Variants in DPP6 observed in about 807,000 individuals in gnomAD.
DPP6 encodes dipeptidyl peptidase like 6.
DPP6 carries 69 observed loss-of-function variants against 122.6 expected under a neutral mutation model. The observed-to-expected ratio is 0.56, with a 90% confidence interval of 0.46 to 0.69. The LOEUF (loss-of-function observed/expected upper bound fraction) is 0.69. DPP6 is among the 30% of genes least tolerant of loss of function. DPP6 has a pLI of 0.00. For synonymous variants in DPP6, 418 were observed against 433.1 expected (o/e 0.97, Z 0.43); for missense variants, 928 against 1,116.9 (o/e 0.83, Z 2.41).
chr7:154,289,336 A>C (rs530620667), intron 1 of DPP6, among the ~76,000 whole-genome samples: 2 of 152,284 alleles, frequency 1.3e-5, no homozygotes, highest in Non-Finnish European at 2.9e-5. Context: ...GGGATGCGTA[A>C]CACAGCAGGC....
At chr7:154,551,834 T>C (rs1203813046) in intron 4 of DPP6, among the ~76,000 whole-genome samples, 1 of 151,826 alleles carries the variant, frequency 6.6e-6, no homozygotes, top group Non-Finnish European at 1.5e-5. Flanking sequence ...CAGTTGGAGG[T>C]GAAAGGGACA....
At chr7:154,673,506 G>A (rs1159476518) in intron 7 of DPP6, among the ~76,000 whole-genome samples, 1 of 152,170 alleles carries the variant, frequency 6.6e-6, no homozygotes, top group Non-Finnish European at 1.5e-5. Context: ...CAGGGGGAGT[G>A]GCCTGTGTGT....
At chr7:154,673,054 C>G (rs6959254) in intron 7 of DPP6, among the ~76,000 whole-genome samples, 147,315 of 152,236 alleles carry the variant, frequency 0.97, 71,452 homozygotes, top group East Asian at 1. Context: ...ACCACCTCAT[C>G]ACAGGTACTC....
At chr7:154,447,737 G>T (rs1040120164) in intron 2 of DPP6, among the ~76,000 whole-genome samples, 2 of 152,106 alleles carry the variant, frequency 1.3e-5, no homozygotes, top group Non-Finnish European at 2.9e-5. Flanking sequence ...GACCAAATAG[G>T]ATATATTCCA....
chr7:154,028,041 T>A (rs1161468937), intron 1 of DPP6, among the ~76,000 whole-genome samples: 1 of 151,340 alleles, frequency 6.6e-6, no homozygotes, highest in African/African-American at 2.4e-5. Flanking sequence ...GACCACTGCA[T>A]GGTGCTTCGT....
chr7:154,276,459 A>C (rs547123971), intron 1 of DPP6, among the ~76,000 whole-genome samples: 2 of 152,258 alleles, frequency 1.3e-5, no homozygotes, highest in Non-Finnish European at 2.9e-5. Flanking sequence ...GATAAGGTCA[A>C]TAATTCAAAT....
At chr7:154,409,341 A>G (rs1405062386) in intron 1 of DPP6, among the ~76,000 whole-genome samples, 1 of 152,210 alleles carries the variant, frequency 6.6e-6, no homozygotes, top group African/African-American at 2.4e-5. Context: ...GCCACCATCT[A>G]TAAGCCAAGG....
At chr7:154,051,446 G>A (rs1384203602), upstream of DPP6, among the ~76,000 whole-genome samples, 1 of 151,132 alleles carries the variant, frequency 6.6e-6, no homozygotes. Context: ...GACGCGGGAG[G>A]GCCGGGAGGG....
In DPP6 at chr7:154,715,154, C is replaced by T. The variant is rs138924903; in HGVS notation, c.763-12613C>T. On this transcript the variant is annotated intron_variant, in intron 7 of 25. Coordinates refer to ENST00000377770, the MANE Select transcript of DPP6 (RefSeq NM_130797.4). The stretch of plus-strand genomic sequence containing the variant: ...CGGTCTCAACTCACTGCAACCTCTG[C>T]CTCCCAGGTTCAAGTGAATCTCCTG... Among the ~76,000 whole-genome samples, 224 of 152,288 alleles carry T rather than the reference C, an allele frequency of 1.5e-3. 2 individuals carry two copies. Among genetic ancestry groups the T allele is most frequent in the African/African-American group, 4.9e-3 (204 of 41,546 alleles).
intron 16 of DPP6, chr7:154,838,793 G>C (rs1801290050): frequency 6.6e-6 from 1 of 152,242 alleles, no homozygotes; most frequent in Non-Finnish European, 1.5e-5. Flanking sequence ...CAGTTCTCAG[G>C]ACAACAGCAC....
At chr7:154,563,533 ATGG>A (rs1046695167) in intron 4 of DPP6, among the ~76,000 whole-genome samples, 2 of 152,224 alleles carry the variant, frequency 1.3e-5, no homozygotes, top group African/African-American at 4.8e-5. Flanking sequence ...GACAAGGGTA[ATGG>A]TGGTGGGAAA....
chr7:154,567,983 A>T (rs62477171), intron 5 of DPP6, among the ~76,000 whole-genome samples: 4,898 of 152,302 alleles, frequency 0.032, 105 homozygotes, highest in Middle Eastern at 0.065. Flanking sequence ...ACTCTGTTTC[A>T]GTCTTCCATT....
chr7:154,616,075 G>T (rs989625034), intron 5 of DPP6, among the ~76,000 whole-genome samples: 1 of 152,092 alleles, frequency 6.6e-6, no homozygotes, highest in South Asian at 2.1e-4. Context: ...AACAGGAGGC[G>T]GCCAGCTCAG....
chr7:154,402,744 A>G (rs1419167172), intron 1 of DPP6, among the ~76,000 whole-genome samples: 1 of 151,810 alleles, frequency 6.6e-6, no homozygotes, highest in African/African-American at 2.4e-5. Flanking sequence ...AACTTAAAGT[A>G]TAATACTAAT....
At chr7:154,188,588 C>A (rs573367880) in intron 1 of DPP6, among the ~76,000 whole-genome samples, 16 of 152,014 alleles carry the variant, frequency 1.1e-4, no homozygotes, top group Non-Finnish European at 2.9e-5. Flanking sequence ...GAAGGAGGAC[C>A]CCTAACCCTG....
At chr7:154,883,344 G>A (rs565126787) in intron 21 of DPP6, among the ~76,000 whole-genome samples, 4 of 118,708 alleles carry the variant, frequency 3.4e-5, no homozygotes, top group Non-Finnish European at 5.1e-5. Context: ...TCACACACAC[G>A]CTCATACACA....
intron 1 of DPP6, among the ~76,000 whole-genome samples, chr7:154,005,655 C>T (rs1367902822): frequency 8.3e-6 from 1 of 120,962 alleles, no homozygotes; most frequent in East Asian, 2.7e-4. Flanking sequence ...GGCTGGACCT[C>T]GGGGATTGTG....
chr7:154,227,245 A>G (rs539701480), intron 1 of DPP6, among the ~76,000 whole-genome samples: 25 of 3,140 alleles, frequency 8.0e-3, no homozygotes, highest in African/African-American at 0.021. Flanking sequence ...TAGGAATATT[A>G]ATGGGTGTTA....
chr7:154,149,689 T>G (rs1385174686), intron 1 of DPP6, among the ~76,000 whole-genome samples: 2 of 152,114 alleles, frequency 1.3e-5, no homozygotes, highest in Non-Finnish European at 2.9e-5. Flanking sequence ...TATAGAGAAC[T>G]GGAAAACAAC....
Sources: gnomAD v4.1 joint callset for allele counts (sites outside exome capture counted in the v4.1 genomes callset) on GRCh38, gnomAD v4.1.1 for gene constraint, MANE v1.5 for transcripts, NCBI Gene and HGNC (gene_info 2026-07-23, HGNC 2026-07-21) for gene names.